Variants in MRC1 observed in about 807,000 individuals in gnomAD.
MRC1 encodes macrophage mannose receptor 1.
Under a neutral mutation model 102.9 loss-of-function variants are expected in MRC1, and 62 were observed. The ratio of observed to expected loss-of-function variants is 0.60; its 90% CI spans 0.49 to 0.74. The LOEUF (loss-of-function observed/expected upper bound fraction) is 0.74, where lower values mean the gene tolerates loss of function less well. Among genes scored for constraint, MRC1 ranks in the 30% least tolerant of loss-of-function variants. The probability of loss-of-function intolerance (pLI) is 0.00; values close to 1 mark genes in which losing one functional copy is unlikely to be tolerated. For synonymous variants in MRC1, 457 were observed against 298.4 expected (o/e 1.53, Z -5.48); for missense variants, 1,237 against 862.8 (o/e 1.43, Z -5.43).
intron 9 of MRC1, among the ~76,000 whole-genome samples, chr10:17,857,561 C>T (rs1243537127): frequency 2.0e-5 from 3 of 152,002 alleles, no homozygotes; most frequent in African/African-American, 7.3e-5. Flanking sequence ...TTATTGCATT[C>T]TAATAGATTT....
At chr10:17,894,740 C>G (rs918558004) in intron 23 of MRC1, among the ~76,000 whole-genome samples, 308 of 152,160 alleles carry the variant, frequency 2.0e-3, no homozygotes, top group African/African-American at 7.2e-3. Context: ...TTCCAGGATA[C>G]ATGTACAGAA....
intron 9 of MRC1, among the ~76,000 whole-genome samples, chr10:17,859,407 A>G (rs1018760757): frequency 1.1e-4 from 16 of 152,002 alleles, no homozygotes; most frequent in Admixed American, 8.5e-4. Flanking sequence ...AACCTCTACC[A>G]CATGGGTTCA....
chr10:17,894,141 A>T, intron 22 of MRC1, 69 bp from the exon 23 acceptor site: 2 of 853,390 alleles, frequency 2.3e-6, no homozygotes, highest in Admixed American at 3.4e-5. Context: ...TTTTTTGCTT[A>T]TTAATGAATT....
chr10:17,817,605 A>C (rs1197418318), intron 1 of MRC1, among the ~76,000 whole-genome samples: 1 of 152,206 alleles, frequency 6.6e-6, no homozygotes, highest in Non-Finnish European at 1.5e-5. Context: ...AGATCAAGTT[A>C]GGATGGAAGG....
At chr10:17,818,072 G>A (rs958586569) in intron 1 of MRC1, among the ~76,000 whole-genome samples, 232 of 151,442 alleles carry the variant, frequency 1.5e-3, no homozygotes, top group African/African-American at 5.5e-3. Flanking sequence ...ATAAATAAAG[G>A]AAACAAGAAT....
At chr10:17,844,315 T>G (rs1838793766) in intron 5 of MRC1, among the ~76,000 whole-genome samples, 1 of 152,032 alleles carries the variant, frequency 6.6e-6, no homozygotes. Context: ...GCCTCCCAGG[T>G]TCAAGCAATT....
At chr10:17,881,411 A>G (rs1196900786) in intron 21 of MRC1, among the ~76,000 whole-genome samples, 2 of 152,180 alleles carry the variant, frequency 1.3e-5, no homozygotes, top group African/African-American at 4.8e-5. Context: ...TTATGACCCC[A>G]TTTTGTGAGT....
chr10:17,880,956 T>C (rs1833505261), intron 20 of MRC1, 111 bp from the exon 21 acceptor site: 3 of 736,478 alleles, frequency 4.1e-6, no homozygotes, highest in Non-Finnish European at 7.5e-6. Context: ...GAGAAAATTC[T>C]GATTTAGCTA....
intron 2 of MRC1, among the ~76,000 whole-genome samples, chr10:17,824,126 G>T (rs1244046258): frequency 6.6e-6 from 1 of 152,156 alleles, no homozygotes; most frequent in Non-Finnish European, 1.5e-5. Flanking sequence ...TATGTAGTTG[G>T]TTTCTTGACC....
intron 22 of MRC1, among the ~76,000 whole-genome samples, chr10:17,887,553 A>G (rs1554842842): frequency 6.6e-6 from 1 of 152,226 alleles, no homozygotes; most frequent in Non-Finnish European, 1.5e-5. Flanking sequence ...CTTAGATTTA[A>G]TGGATGAGAG....
At chr10:17,846,659 T>G (rs918247533) in intron 6 of MRC1, among the ~76,000 whole-genome samples, 1 of 152,232 alleles carries the variant, frequency 6.6e-6, no homozygotes, top group Non-Finnish European at 1.5e-5. Context: ...TAATTATTTT[T>G]GTTTCATACA....
chr10:17,839,926 C>T (rs1044916188), intron 4 of MRC1, among the ~76,000 whole-genome samples: 7 of 151,302 alleles, frequency 4.6e-5, no homozygotes, highest in African/African-American at 7.3e-5. Context: ...ATTAGCCAGG[C>T]GTGGTGGCGG....
intron 22 of MRC1, among the ~76,000 whole-genome samples, chr10:17,889,694 G>A (rs958535318): frequency 1.6e-4 from 24 of 152,194 alleles, no homozygotes; most frequent in African/African-American, 2.2e-4. Context: ...CTCCTTTCCC[G>A]TGTAACATTG....
At chr10:17,836,617 C>T (rs1838667772) in intron 4 of MRC1, among the ~76,000 whole-genome samples, 1 of 151,956 alleles carries the variant, frequency 6.6e-6, no homozygotes, top group East Asian at 1.9e-4. Context: ...GGTGGATCAC[C>T]TGAGGTCAGG....
intron 9 of MRC1, among the ~76,000 whole-genome samples, chr10:17,856,959 A>AG (rs1430324138): frequency 6.6e-6 from 1 of 152,190 alleles, no homozygotes; most frequent in African/African-American, 2.4e-5. Context: ...ATGAAAACAC[A>AG]GGGTTTATGG....
intron 26 of MRC1, among the ~76,000 whole-genome samples, chr10:17,904,942 A>C (rs1392686537): frequency 6.6e-6 from 1 of 152,206 alleles, no homozygotes; most frequent in Non-Finnish European, 1.5e-5. Context: ...CCCAACTATT[A>C]TCACTGCCTT....
chr10:17,868,661 G>C (rs1833313221), intron 12 of MRC1, among the ~76,000 whole-genome samples: 1 of 152,294 alleles, frequency 6.6e-6, no homozygotes, highest in African/African-American at 2.4e-5. Context: ...ATATGGCCAT[G>C]ACATGCCCTG....
chr10:17,826,938 C>A (rs1206765363), intron 2 of MRC1, among the ~76,000 whole-genome samples: 1 of 152,132 alleles, frequency 6.6e-6, no homozygotes, highest in Non-Finnish European at 1.5e-5. Flanking sequence ...TGAAGGCTGG[C>A]TTGACAAGAA....
At chr10:17,829,342 C>G (rs1209858707) in intron 3 of MRC1, among the ~76,000 whole-genome samples, 2 of 151,450 alleles carry the variant, frequency 1.3e-5, no homozygotes, top group South Asian at 4.1e-4. Flanking sequence ...TTTATAATCC[C>G]TAATTATCAC....
Sources: gnomAD v4.1 joint callset for allele counts (sites outside exome capture counted in the v4.1 genomes callset) on GRCh38, gnomAD v4.1.1 for gene constraint, MANE v1.5 for transcripts, NCBI Gene and HGNC (gene_info 2026-07-23, HGNC 2026-07-21) for gene names.